Variants in SLC38A10 observed in about 807,000 individuals in gnomAD.
SLC38A10 encodes the protein solute carrier family 38 member 10, also known as Sodium-coupled neutral amino acid transporter 10.
Under a neutral mutation model 81.0 loss-of-function variants are expected in SLC38A10, and 53 were observed. The observed-to-expected ratio is 0.65, with a 90% confidence interval of 0.53 to 0.82. SLC38A10 has a LOEUF of 0.82. SLC38A10 is among the 40% of genes least tolerant of loss of function. The pLI is 0.00. For synonymous variants in SLC38A10, 665 were observed against 655.3 expected (o/e 1.01, Z -0.23); for missense variants, 1,471 against 1,545.0 (o/e 0.95, Z 0.80).
chr17:81,279,566 A>T (rs1260712355), intron 6 of SLC38A10: 1 of 152,776 alleles, frequency 6.5e-6, no homozygotes, highest in Non-Finnish European at 1.5e-5. Context: ...GTGGGCCTGC[A>T]CATCCTCAGG....
intron 11 of SLC38A10, among the ~76,000 whole-genome samples, chr17:81,258,082 C>T (rs1047847410): frequency 3.3e-5 from 5 of 152,212 alleles, no homozygotes; most frequent in African/African-American, 9.6e-5. Flanking sequence ...CATGGGGCCC[C>T]GGCTGTGCGC....
At chr17:81,263,628 C>T (rs1226736411) in intron 10 of SLC38A10, 2 of 152,334 alleles carry the variant, frequency 1.3e-5, no homozygotes, top group African/African-American at 4.8e-5. Context: ...CACAAGCAGC[C>T]GCTGGCCCGG....
At chr17:81,282,002 G>A (rs1029459046) in intron 5 of SLC38A10, among the ~76,000 whole-genome samples, 187 bp downstream of exon 5, 2 of 152,044 alleles carry the variant, frequency 1.3e-5, no homozygotes, top group African/African-American at 2.4e-5. Context: ...AGCCAGCCCC[G>A]TCTGCCCCAT....
At chr17:81,247,673 A>AC (rs1414021529) in intron 14 of SLC38A10, 1 of 151,578 alleles carries the variant, frequency 6.6e-6, no homozygotes, top group African/African-American at 2.4e-5. Flanking sequence ...CAAAAACAAA[A>AC]AAAACAAAAA....
intron 1 of SLC38A10, among the ~76,000 whole-genome samples, chr17:81,293,011 T>C (rs563037981): frequency 6.6e-6 from 1 of 151,572 alleles, no homozygotes; most frequent in Middle Eastern, 3.4e-3. Context: ...AATAAATAAA[T>C]AAATTAGCCG....
In SLC38A10 at chr17:81,283,757, G is replaced by C. The variant is rs914901663; in HGVS notation, c.264-255C>G. On this transcript the variant is annotated intron_variant, in intron 3 of 15. Coordinates refer to ENST00000374759, the MANE Select transcript of SLC38A10 (RefSeq NM_001037984.3). The surrounding 1 kb of genome is among the most constrained non-coding windows in gnomAD (Gnocchi z 4.7). ...GCCTCCCGAGTAGCTGGGAGTAGCC[G>C]AGTAGCCACGCCCGGCTAATTGTTT... Among the ~76,000 whole-genome samples the C allele has an allele frequency of 2.0e-5, 3 of 151,786 alleles. No homozygotes were observed. The highest frequency in any genetic ancestry group is 2.0e-4 in the East Asian group (1 of 5,106).
chr17:81,247,122 G>C, intron 14 of SLC38A10, 61 bp from the exon 15 acceptor site: 1 of 1,498,612 alleles, frequency 6.7e-7, no homozygotes, highest in South Asian at 1.3e-5. Flanking sequence ...GCTGGGCCAG[G>C]GACGGCGCGG....
chr17:81,291,995 TC>T (rs2063314587), intron 1 of SLC38A10, among the ~76,000 whole-genome samples: 1 of 152,166 alleles, frequency 6.6e-6, no homozygotes, highest in African/African-American at 2.4e-5. Context: ...ACGGGTTTGC[TC>T]GTCATATGAA....
Position 81,254,238 on chromosome 17 carries a change from T to C in SLC38A10, c.1289-998A>G, listed in dbSNP as rs77354048. On this transcript the variant is annotated intron_variant, in intron 11 of 15. Coordinates refer to ENST00000374759, the MANE Select transcript of SLC38A10 (RefSeq NM_001037984.3). The stretch of plus-strand genomic sequence containing the variant: ...GCAGATGGGGCCTCACCAGCTCCCA[T>C]AGGAGAAGAAAATGGGGACAATTAG... 5.1e-3 allele frequency among the ~76,000 whole-genome samples: 778 copies of C among 152,260 alleles called. 6 individuals carry two copies. Among genetic ancestry groups the C allele is most frequent in the African/African-American group, 0.017 (726 of 41,554 alleles).
rs2063175305 is a variant in SLC38A10, at chr17:81,277,789, C to G, written c.627-656G>C. Among the ~76,000 whole-genome samples, 1 of 152,186 alleles carries G rather than the reference C, an allele frequency of 6.6e-6. No homozygotes were observed. Among genetic ancestry groups the G allele is most frequent in the South Asian group, 2.1e-4 (1 of 4,834 alleles). On this transcript the variant is annotated intron_variant, in intron 6 of 15. Coordinates refer to ENST00000374759, the MANE Select transcript of SLC38A10 (RefSeq NM_001037984.3). This position sits in a 1 kb window ranked among gnomAD's most constrained non-coding sequence, Gnocchi z 4.5. ...GAGGGACCTGCACAGGGACCTGGGCCTCTGGAAAGGGGTGGGCGAGACGAC... is the reference window on the plus strand; with the variant it reads ...GAGGGACCTGCACAGGGACCTGGGCGTCTGGAAAGGGGTGGGCGAGACGAC...
At chr17:81,273,827 TGGA>T (rs2063137873) in intron 8 of SLC38A10, among the ~76,000 whole-genome samples, 1 of 151,616 alleles carries the variant, frequency 6.6e-6, no homozygotes, top group Non-Finnish European at 1.5e-5. Flanking sequence ...CCGCAACAGG[TGGA>T]GAAGCAAGGA....
intron 11 of SLC38A10, among the ~76,000 whole-genome samples, chr17:81,257,576 T>C (rs1444952304): frequency 6.6e-6 from 1 of 152,226 alleles, no homozygotes; most frequent in Non-Finnish European, 1.5e-5. Context: ...CTGCAGCCTC[T>C]GGCCTGTGTT....
At chr17:81,254,175 G>A (rs975130326) in intron 11 of SLC38A10, among the ~76,000 whole-genome samples, 4 of 151,964 alleles carry the variant, frequency 2.6e-5, no homozygotes, top group African/African-American at 9.7e-5. Context: ...AGGTGAAGCT[G>A]TCTGAGGAAG....
rs2063064673 is a variant in SLC38A10, at chr17:81,265,746, G to A, written c.1131+5172C>T. ...CGAGATGTGGCGCCACAGGCCCAGGGTACGGCCTTGCGGTGCTGACATCTC... is the reference window on the plus strand; with the variant it reads ...CGAGATGTGGCGCCACAGGCCCAGGATACGGCCTTGCGGTGCTGACATCTC... On this transcript the variant is annotated intron_variant, in intron 10 of 15. Coordinates refer to ENST00000374759, the MANE Select transcript of SLC38A10 (RefSeq NM_001037984.3). The surrounding 1 kb of genome is among the most constrained non-coding windows in gnomAD (Gnocchi z 4.2). 6.6e-6 allele frequency among the ~76,000 whole-genome samples: 1 copy of A among 152,234 alleles called. No homozygotes were observed. Among genetic ancestry groups the A allele is most frequent in the Non-Finnish European group, 1.5e-5 (1 of 68,026 alleles).
chr17:81,272,994 G>A (rs543229506), intron 8 of SLC38A10, among the ~76,000 whole-genome samples: 10 of 152,310 alleles, frequency 6.6e-5, no homozygotes, highest in South Asian at 4.1e-4. Flanking sequence ...GCTGCACAGC[G>A]CCGCTCCTGA....
intron 11 of SLC38A10, among the ~76,000 whole-genome samples, chr17:81,254,241 G>A (rs144746294): frequency 3.3e-4 from 51 of 152,340 alleles, no homozygotes; most frequent in Non-Finnish European, 4.1e-4. Flanking sequence ...GCTCCCATAG[G>A]AGAAGAAAAT....
At chr17:81,267,016 A>G (rs1412419258) in intron 10 of SLC38A10, among the ~76,000 whole-genome samples, 2 of 152,264 alleles carry the variant, frequency 1.3e-5, no homozygotes, top group South Asian at 4.1e-4. Flanking sequence ...CAAGAGCAAC[A>G]AGTCACAACT....
At position 81,251,226 on chromosome 17, in the gene SLC38A10, C is replaced by T. The variant is rs67972063; in HGVS notation, c.2065+267G>A. On this transcript the variant is annotated intron_variant, in intron 14 of 15. Coordinates refer to ENST00000374759, the MANE Select transcript of SLC38A10 (RefSeq NM_001037984.3). ...ATGCCGCAGGTGTTTTAAAGGGGAG[C>T]AAGGGAGATAAAACGGTAATCACAA... The T allele has an allele frequency of 1.1e-4, 152 of 1,445,948 alleles. 2 individuals are homozygous for T. In the South Asian group the frequency reaches 1.5e-3, roughly 14 times the overall value. 89.6% of individuals were successfully genotyped at this position (1,445,948 alleles called of 1,614,324 possible).
Position 81,283,059 on chromosome 17 carries a change from TG to T in SLC38A10, c.357+349del, listed in dbSNP as rs1333704730. Among the ~76,000 whole-genome samples the T allele has an allele frequency of 2.0e-5, 3 of 152,128 alleles. No homozygotes were observed. The highest frequency in any genetic ancestry group is 7.2e-5 in the African/African-American group (3 of 41,440). On this transcript the variant is annotated intron_variant, in intron 4 of 15. Coordinates refer to ENST00000374759, the MANE Select transcript of SLC38A10 (RefSeq NM_001037984.3). This position sits in a 1 kb window ranked among gnomAD's most constrained non-coding sequence, Gnocchi z 4.7. The stretch of plus-strand genomic sequence containing the variant: ...CTGAGTCCACAGCCCCCAGAAGCTC[TG>T]GGTGACCATGGAGGCCGGGGATGCC...
Sources: allele counts gnomAD v4.1 joint callset (sites outside exome capture counted in the v4.1 genomes callset), GRCh38; gene constraint gnomAD v4.1.1; non-coding constraint Gnocchi (gnomAD v3.1); transcripts MANE v1.5; gene names NCBI Gene and HGNC (gene_info 2026-07-23, HGNC 2026-07-21).